GULP1: variants seen among roughly 807,000 people sequenced by gnomAD.
GULP1 encodes the protein GULP PTB domain containing engulfment adaptor 1, also known as PTB domain-containing engulfment adapter protein 1.
In GULP1, 19 loss-of-function variants were observed where a neutral mutation model predicts 40.9. The ratio of observed to expected loss-of-function variants is 0.46; its 90% CI spans 0.32 to 0.68. The LOEUF (loss-of-function observed/expected upper bound fraction) is 0.68. Ranked by LOEUF, GULP1 falls within the 30% of genes least tolerant of loss-of-function variation. GULP1 has a pLI of 0.03. For missense variants in GULP1, 312 were observed against 362.2 expected (o/e 0.86, Z 1.12); for synonymous variants, 119 against 117.6 (o/e 1.01, Z -0.08).
intron 1 of GULP1, among the ~76,000 whole-genome samples, chr2:188,304,932 C>A (rs1344565154): frequency 6.6e-6 from 1 of 152,096 alleles, no homozygotes; most frequent in Non-Finnish European, 1.5e-5. Flanking sequence ...AAGCAGTGGA[C>A]AGCAAATGAG....
At chr2:188,365,964 A>G (rs938754888) in intron 1 of GULP1, among the ~76,000 whole-genome samples, 4 of 152,206 alleles carry the variant, frequency 2.6e-5, no homozygotes, top group African/African-American at 7.2e-5. Flanking sequence ...TGTCATACCA[A>G]TGCCAGGGCC....
chr2:188,542,342 A>G (rs1419624622), intron 7 of GULP1, among the ~76,000 whole-genome samples: 2 of 152,128 alleles, frequency 1.3e-5, no homozygotes, highest in Non-Finnish European at 2.9e-5. Context: ...GATAGCTAAT[A>G]TTATTATCAC....
chr2:188,405,955 A>G (rs2053032266), intron 2 of GULP1, among the ~76,000 whole-genome samples: 1 of 152,212 alleles, frequency 6.6e-6, no homozygotes, highest in African/African-American at 2.4e-5. Flanking sequence ...AACTGACACT[A>G]AAGAAATGCA....
At chr2:188,395,283 C>A (rs2051086428) in intron 2 of GULP1, among the ~76,000 whole-genome samples, 1 of 152,258 alleles carries the variant, frequency 6.6e-6, no homozygotes, top group South Asian at 2.1e-4. Flanking sequence ...AAGTTTTCAT[C>A]TGCACAAATG....
At chr2:188,345,487 A>G (rs1008940737) in intron 1 of GULP1, among the ~76,000 whole-genome samples, 1 of 152,212 alleles carries the variant, frequency 6.6e-6, no homozygotes, top group Non-Finnish European at 1.5e-5. Context: ...AGAAATAATA[A>G]CCATGGTCAA....
chr2:188,293,871 A>G (rs1406173792), intron 1 of GULP1: 2 of 152,264 alleles, frequency 1.3e-5, no homozygotes, highest in African/African-American at 4.8e-5. Flanking sequence ...GCAGGGGCTA[A>G]TTGGAAAGGG....
At chr2:188,556,303 T>G (rs1694748404) in intron 7 of GULP1, among the ~76,000 whole-genome samples, 1 of 152,152 alleles carries the variant, frequency 6.6e-6, no homozygotes, top group Non-Finnish European at 1.5e-5. Context: ...TGAGATATTT[T>G]TTTCTTCCAC....
At chr2:188,451,155 C>A (rs756460704) in intron 2 of GULP1, among the ~76,000 whole-genome samples, 8 of 152,110 alleles carry the variant, frequency 5.3e-5, no homozygotes, top group Non-Finnish European at 1.2e-4. Flanking sequence ...CTTAATTTTT[C>A]CTAACAATTT....
At chr2:188,403,309 T>A (rs1438904561) in intron 2 of GULP1, among the ~76,000 whole-genome samples, 1 of 152,146 alleles carries the variant, frequency 6.6e-6, no homozygotes, top group East Asian at 1.9e-4. Flanking sequence ...AATCTCTTGT[T>A]TTTTTAATTA....
At chr2:188,483,603 A>G in intron 4 of GULP1, 111 bp downstream of exon 4, 1 of 438,612 alleles carries the variant, frequency 2.3e-6, no homozygotes, top group Non-Finnish European at 4.1e-6. Flanking sequence ...TTGATTCCTG[A>G]AAAAAGTTTA....
At chr2:188,319,544 A>G (rs1201878225) in intron 1 of GULP1, among the ~76,000 whole-genome samples, 1 of 152,190 alleles carries the variant, frequency 6.6e-6, no homozygotes, top group Admixed American at 6.5e-5. Flanking sequence ...AATCTACCCA[A>G]CTAGCTACCA....
chr2:188,443,755 C>T (rs749293455), intron 2 of GULP1, among the ~76,000 whole-genome samples: 20 of 149,712 alleles, frequency 1.3e-4, no homozygotes, highest in East Asian at 9.9e-4. Context: ...GGCACGATCT[C>T]GGCTCACTGC....
chr2:188,457,560 G>A (rs939065592), intron 2 of GULP1, among the ~76,000 whole-genome samples: 5 of 152,160 alleles, frequency 3.3e-5, no homozygotes, highest in African/African-American at 1.2e-4. Context: ...CTTGTAAATT[G>A]CCCAGTCTTG....
intron 1 of GULP1, among the ~76,000 whole-genome samples, chr2:188,303,419 T>C (rs1004556033): frequency 6.6e-6 from 1 of 152,096 alleles, no homozygotes; most frequent in African/African-American, 2.4e-5. Context: ...ATAGGCAAAG[T>C]GTCATAATGG....
At chr2:188,295,345 T>C (rs2105883521) in intron 1 of GULP1, among the ~76,000 whole-genome samples, 1 of 152,334 alleles carries the variant, frequency 6.6e-6, no homozygotes, top group Admixed American at 6.5e-5. Flanking sequence ...ATGCATATCA[T>C]GCATCATCGG....
At chr2:188,503,521 C>A (rs984285649) in intron 4 of GULP1, among the ~76,000 whole-genome samples, 34 of 152,048 alleles carry the variant, frequency 2.2e-4, no homozygotes, top group African/African-American at 7.9e-4. Context: ...TGATCCATCA[C>A]CTCCCACCAG....
chr2:188,415,507 TA>T (rs112509471), intron 2 of GULP1, among the ~76,000 whole-genome samples: 268 of 144,176 alleles, frequency 1.9e-3, no homozygotes, highest in Middle Eastern at 3.5e-3. Context: ...CTTAGAAAAT[TA>T]AAAAAAAAAA....
At chr2:188,372,534 G>C (rs1156484183) in intron 1 of GULP1, among the ~76,000 whole-genome samples, 2 of 151,908 alleles carry the variant, frequency 1.3e-5, no homozygotes, top group Non-Finnish European at 2.9e-5. Flanking sequence ...TATTTGTATT[G>C]TACTTACAGT....
intron 9 of GULP1, among the ~76,000 whole-genome samples, chr2:188,571,254 G>A (rs1183595114): frequency 1.3e-5 from 2 of 152,092 alleles, no homozygotes; most frequent in African/African-American, 4.8e-5. Context: ...TCAATACGTA[G>A]GATAAACTCA....
Sources: allele counts gnomAD v4.1 joint callset (sites outside exome capture counted in the v4.1 genomes callset), GRCh38; gene constraint gnomAD v4.1.1; transcripts MANE v1.5; gene names NCBI Gene and HGNC (gene_info 2026-07-23, HGNC 2026-07-21).